The following ZFPM2 variants were observed in gnomAD, a reference collection of about 807,000 sequenced individuals.
The protein encoded by ZFPM2 is zinc finger protein ZFPM2.
A neutral mutation model predicts 98.6 loss-of-function variants in ZFPM2; 20 were observed. The ratio of observed to expected loss-of-function variants is 0.20; its 90% CI spans 0.14 to 0.29. ZFPM2 has a LOEUF of 0.29. Among genes scored for constraint, ZFPM2 ranks in the 10% least tolerant of loss-of-function variants. ZFPM2 has a pLI of 1.00. For missense variants in ZFPM2, 1,310 were observed against 1,388.6 expected (o/e 0.94, Z 0.90); for synonymous variants, 518 against 502.7 (o/e 1.03, Z -0.41).
At chr8:105,469,285 G>C (rs1812852423) in intron 3 of ZFPM2, among the ~76,000 whole-genome samples, 1 of 152,116 alleles carries the variant, frequency 6.6e-6, no homozygotes, top group African/African-American at 2.4e-5. Flanking sequence ...TGCTGCTTGT[G>C]ATTAAAAGAA....
At chr8:105,518,167 A>G (rs1365805364) in intron 3 of ZFPM2, among the ~76,000 whole-genome samples, 2 of 152,202 alleles carry the variant, frequency 1.3e-5, no homozygotes, top group Non-Finnish European at 2.9e-5. Context: ...CCATCTTTGA[A>G]GAGAGGCAGA....
chr8:105,395,137 G>A (rs1811195237), intron 1 of ZFPM2, among the ~76,000 whole-genome samples: 1 of 152,148 alleles, frequency 6.6e-6, no homozygotes, highest in South Asian at 2.1e-4. Flanking sequence ...TGCAAAGAAT[G>A]TCCCCAGGGC....
chr8:105,532,327 G>T (rs1403594766), intron 3 of ZFPM2, among the ~76,000 whole-genome samples: 1 of 152,122 alleles, frequency 6.6e-6, no homozygotes, highest in Admixed American at 6.6e-5. Flanking sequence ...ATTTTTAAGA[G>T]CCAGATTTTC....
intron 1 of ZFPM2, among the ~76,000 whole-genome samples, chr8:105,345,316 CT>C (rs1812501356): frequency 1.3e-5 from 2 of 151,188 alleles, no homozygotes; most frequent in African/African-American, 4.9e-5. Flanking sequence ...ACTTCTTAGT[CT>C]TGTGCATCTT....
intron 3 of ZFPM2, among the ~76,000 whole-genome samples, chr8:105,547,986 G>A (rs191729985): frequency 6.7e-6 from 1 of 148,556 alleles, no homozygotes; most frequent in Non-Finnish European, 1.5e-5. Context: ...TGAAGTTTTG[G>A]TTTTTTTTTT....
rs756871219 is a variant in ZFPM2 at position 105,802,456 on chromosome 8, C to G, written c.2374C>G (p.Pro792Ala). 1 of 1,613,638 alleles carries G rather than the reference C, an allele frequency of 6.2e-7. No individual in the cohort carries two copies. The highest frequency in any genetic ancestry group is 1.1e-5 in the South Asian group (1 of 91,038). ...ECYHPRCDIF[P>A]GIVSKHLETS... ...CTACCACCCAAGATGTGATATCTTT[C>G]CAGGAATTGTCTCTAAACACTTGGA... The change falls in exon 8 of 8, where the codon CCA becomes GCA. Residue 792 changes from proline (P) to alanine (A), a missense_variant. Pro to Ala is a conservative substitution (Grantham distance 27, BLOSUM62 -1). Coordinates refer to ENST00000407775, the MANE Select transcript of ZFPM2 (RefSeq NM_012082.4).
At chr8:105,753,531 A>G (rs1474446812) in intron 5 of ZFPM2, among the ~76,000 whole-genome samples, 4 of 152,270 alleles carry the variant, frequency 2.6e-5, no homozygotes, top group African/African-American at 9.6e-5. Context: ...AGAGAAAAAC[A>G]AATTTATGTT....
intron 3 of ZFPM2, among the ~76,000 whole-genome samples, chr8:105,542,740 G>A (rs560589652): frequency 6.6e-6 from 1 of 152,134 alleles, no homozygotes; most frequent in Non-Finnish European, 1.5e-5. Context: ...GAATTCACAT[G>A]CAGTTGTAAG....
chr8:105,728,541 C>T (rs993439130), intron 5 of ZFPM2, among the ~76,000 whole-genome samples: 6 of 151,718 alleles, frequency 4.0e-5, no homozygotes, highest in Non-Finnish European at 5.9e-5. Context: ...GTGACTCATG[C>T]ACACCTTTCA....
intron 1 of ZFPM2, among the ~76,000 whole-genome samples, chr8:105,340,046 C>T (rs1296522532): frequency 6.6e-6 from 1 of 151,814 alleles, no homozygotes; most frequent in Non-Finnish European, 1.5e-5. Flanking sequence ...AGGAAACTGG[C>T]ATTTATTGAG....
chr8:105,354,828 C>G (rs1192051520), intron 1 of ZFPM2, among the ~76,000 whole-genome samples: 5 of 152,096 alleles, frequency 3.3e-5, no homozygotes, highest in Non-Finnish European at 2.9e-5. Flanking sequence ...GTGGCACGCA[C>G]CTGTGGTCCC....
chr8:105,365,686 C>T (rs571494535), intron 1 of ZFPM2, among the ~76,000 whole-genome samples: 5 of 152,186 alleles, frequency 3.3e-5, no homozygotes, highest in African/African-American at 1.2e-4. Flanking sequence ...TATTGCTTAG[C>T]GGGGGAGAAA....
chr8:105,758,484 A>G (rs553120732), intron 5 of ZFPM2, among the ~76,000 whole-genome samples: 1 of 152,278 alleles, frequency 6.6e-6, no homozygotes, highest in South Asian at 2.1e-4. Context: ...CATTCTATAC[A>G]TGAACCCAAG....
At chr8:105,691,121 A>G (rs969500891) in intron 5 of ZFPM2, among the ~76,000 whole-genome samples, 4 of 151,770 alleles carry the variant, frequency 2.6e-5, no homozygotes, top group Admixed American at 2.6e-4. Flanking sequence ...CAGACATGTA[A>G]AGCTTATTCC....
intron 2 of ZFPM2, among the ~76,000 whole-genome samples, chr8:105,431,738 C>A (rs1403018698): frequency 6.6e-6 from 1 of 151,504 alleles, no homozygotes; most frequent in East Asian, 1.9e-4. Context: ...CATAGGGAGA[C>A]CTCATCTCTA....
chr8:105,379,072 A>AAT (rs1266098625), intron 1 of ZFPM2, among the ~76,000 whole-genome samples: 2 of 152,158 alleles, frequency 1.3e-5, no homozygotes, highest in Non-Finnish European at 2.9e-5. Context: ...TGAAGATAAC[A>AAT]ATATGTACTA....
intron 3 of ZFPM2, among the ~76,000 whole-genome samples, chr8:105,559,808 A>T (rs939807266): frequency 5.3e-5 from 8 of 152,178 alleles, no homozygotes; most frequent in African/African-American, 1.9e-4. Context: ...AAAACTCAAG[A>T]TTGAATCTAT....
chr8:105,472,872 T>C (rs1586397952), intron 3 of ZFPM2, among the ~76,000 whole-genome samples: 1 of 143,508 alleles, frequency 7.0e-6, no homozygotes, highest in Non-Finnish European at 1.5e-5. Flanking sequence ...GTCTTTCCCC[T>C]CTTCTCCTAA....
chr8:105,661,785 G>C (rs779884938), intron 5 of ZFPM2, among the ~76,000 whole-genome samples: 13 of 152,062 alleles, frequency 8.5e-5, no homozygotes, highest in African/African-American at 1.2e-4. Flanking sequence ...TTTGAGGCAA[G>C]GTTTCAAGCT....
Sources: gnomAD v4.1 joint callset for allele counts (sites outside exome capture counted in the v4.1 genomes callset) on GRCh38, gnomAD v4.1.1 for gene constraint, MANE v1.5 for transcripts, NCBI Gene and HGNC (gene_info 2026-07-23, HGNC 2026-07-21) for gene names.